FCGR2A: variants seen among roughly 807,000 people sequenced by gnomAD.
FCGR2A encodes the protein Fc gamma receptor IIa.
In FCGR2A, 18 loss-of-function variants were observed where a neutral mutation model predicts 29.3. The observed-to-expected ratio is 0.62, with a 90% CI of 0.43 to 0.91. The LOEUF is 0.91. Among genes scored for constraint, FCGR2A ranks in the 40% least tolerant of loss-of-function variants. The pLI is 0.00. For missense variants in FCGR2A, 287 were observed against 393.0 expected, an observed-to-expected ratio of 0.73 and a Z score of 2.28; for synonymous variants, 126 against 144.8, an observed-to-expected ratio of 0.87 and a Z score of 0.93.
chr1:161,510,233 A>G, intron 4 of FCGR2A, 159 bp downstream of exon 4: 2 of 1,331,296 alleles, frequency 1.5e-6, no homozygotes, highest in Non-Finnish European at 2.0e-6. Context: ...GTATTGACCA[A>G]CAAGTAGGGG....
At chr1:161,523,787 T>G (rs1676547962), downstream of FCGR2A, 1 of 152,028 alleles carries the variant, frequency 6.6e-6, no homozygotes, top group Non-Finnish European at 1.5e-5. Flanking sequence ...TTTAATTTAT[T>G]CAAGAGTGAT....
chr1:161,506,723 A>G, intron 3 of FCGR2A, 132 bp downstream of exon 3: 1 of 1,468,568 alleles, frequency 6.8e-7, no homozygotes, highest in Non-Finnish European at 9.1e-7. Flanking sequence ...TTGCTCATTC[A>G]TTCCCCATTT....
downstream of FCGR2A, chr1:161,523,848 G>A (rs1298861344): frequency 2.6e-5 from 4 of 152,070 alleles, no homozygotes; most frequent in African/African-American, 4.8e-5. Flanking sequence ...AAATGAAAGT[G>A]CATTGGCCGG....
At position 161,518,875 on chromosome 1, in the gene FCGR2A, G is replaced by C. The variant is rs953429217; in HGVS notation, c.*727G>C. Reference sequence around the variant, plus strand: ...TGGCCTCTAGCGATCTGCCCGCCTCGGCCTCCCAAAGTGCTGGGATGACCA... The same window carrying C: ...TGGCCTCTAGCGATCTGCCCGCCTCCGCCTCCCAAAGTGCTGGGATGACCA... On this transcript the variant is annotated 3_prime_UTR_variant, in exon 7 of 7. Transcript: ENST00000271450. 4.6e-6 allele frequency: 1 copy of C among 218,758 alleles called. No homozygotes were observed. Among genetic ancestry groups the C allele is most frequent in the African/African-American group, 2.3e-5 (1 of 42,936 alleles). The allele number at this position is 218,758 out of a possible 1,614,324, so 13.6% of individuals were successfully genotyped here.
chr1:161,510,216 T>C, intron 4 of FCGR2A, 142 bp downstream of exon 4: 1 of 1,448,120 alleles, frequency 6.9e-7, no homozygotes, highest in South Asian at 1.4e-5. Context: ...GGTGGAAGCC[T>C]GGCTAAGTAT....
At chr1:161,506,280 C>T (rs1571957090) in intron 2 of FCGR2A, 54 bp from the exon 3 acceptor site, 4 of 1,603,800 alleles carry the variant, frequency 2.5e-6, no homozygotes, top group Non-Finnish European at 2.6e-6. Flanking sequence ...CCTTTGGCAT[C>T]CACAGTCCCT....
chr1:161,521,081 G>A (rs1381727765), downstream of FCGR2A, among the ~76,000 whole-genome samples: 2 of 149,314 alleles, frequency 1.3e-5, 1 homozygote, highest in Non-Finnish European at 3.0e-5. Flanking sequence ...TATCAGTGAG[G>A]TCTCCTTGAT....
At chr1:161,511,264 A>T (rs1330682095) in intron 5 of FCGR2A, among the ~76,000 whole-genome samples, 1 of 152,118 alleles carries the variant, frequency 6.6e-6, no homozygotes, top group African/African-American at 2.4e-5. Flanking sequence ...TTAGCTAGGG[A>T]AGGAGGACTC....
At chr1:161,521,587 A>T (rs1571992547), downstream of FCGR2A, among the ~76,000 whole-genome samples, 1 of 152,050 alleles carries the variant, frequency 6.6e-6, no homozygotes, top group African/African-American at 2.4e-5. Context: ...ATCATCTTGA[A>T]TTCCCACAAC....
At chr1:161,517,289 G>A (rs1460535966) in intron 6 of FCGR2A, among the ~76,000 whole-genome samples, 2 of 152,082 alleles carry the variant, frequency 1.3e-5, no homozygotes, top group African/African-American at 4.8e-5. Context: ...TCCTACTGAT[G>A]TCAAAAGAAA....
chr1:161,520,208 G>A (rs1011141892), downstream of FCGR2A, among the ~76,000 whole-genome samples: 60 of 152,170 alleles, frequency 3.9e-4, 1 homozygote, highest in African/African-American at 1.2e-3. Context: ...CTGAGACTGG[G>A]TTATTTATGA....
rs1164168286 is a variant in FCGR2A, at chr1:161,510,994, C to T, written c.742+38C>T. The T allele has an allele frequency of 3.1e-6, 5 of 1,613,738 alleles. No individual in the cohort carries two copies. The East Asian group carries it at 1.1e-4, about 36-fold the overall frequency. On this transcript the variant is annotated intron_variant, in intron 5 of 6. Transcript: ENST00000271450. ...TCCCAGTCCCTTTTGTTATCAGTTT[C>T]CATTTGGCCCAGGGCCTAACCCCAG...
intron 6 of FCGR2A, among the ~76,000 whole-genome samples, chr1:161,517,285 T>C (rs1250051129): frequency 6.6e-6 from 1 of 152,104 alleles, no homozygotes; most frequent in African/African-American, 2.4e-5. Context: ...GTGTTCCTAC[T>C]GATGTCAAAA....
At position 161,518,037 on chromosome 1, in the gene FCGR2A, T is replaced by C; in HGVS notation, c.843T>C (p.Tyr281=). 1 of 1,613,842 alleles carries C rather than the reference T, an allele frequency of 6.2e-7. No individual in the cohort carries two copies. Residue 281 remains tyrosine (Y), a synonymous_variant, in exon 7 of 7, where the codon TAT becomes TAC. Transcript: ENST00000271450. ...AACTTGAAGAAACCAACAATGACTA[T>C]GAAACAGCTGACGGCGGCTACATGA... The part of the protein sequence containing the change: ...KRQLEETNND[Y]ETADGGYMTL...
At chr1:161,510,270 G>A in intron 4 of FCGR2A, 196 bp downstream of exon 4, 1 of 936,640 alleles carries the variant, frequency 1.1e-6, no homozygotes, top group Non-Finnish European at 1.6e-6. Context: ...TCACGTCCCA[G>A]GTAATAGGTA....
chr1:161,512,830 A>G (rs1675892053), intron 5 of FCGR2A, among the ~76,000 whole-genome samples: 1 of 152,244 alleles, frequency 6.6e-6, no homozygotes, highest in African/African-American at 2.4e-5. Flanking sequence ...CAGTGGTGAT[A>G]GGGGCCTGTG....
chr1:161,506,433 A>T lies in FCGR2A; in HGVS notation c.206A>T (p.Glu69Val). The T allele has an allele frequency of 6.2e-7, 1 of 1,614,244 alleles. No homozygotes were observed. Among genetic ancestry groups the T allele is most frequent in the South Asian group, 1.1e-5 (1 of 91,086 alleles). Reference sequence around the variant, plus strand: ...ACATGCCAGGGGGCTCGCAGCCCTGAGAGCGACTCCATTCAGTGGTTCCAC... The same window carrying T: ...ACATGCCAGGGGGCTCGCAGCCCTGTGAGCGACTCCATTCAGTGGTTCCAC... Reference protein sequence around the residue: ...TLTCQGARSPESDSIQWFHNG... With the variant: ...TLTCQGARSPVSDSIQWFHNG... Residue 69 changes from glutamate (E) to valine (V), a missense_variant, in exon 3 of 7, where the codon GAG becomes GTG. Around this residue, in one of 3 missense-constraint regions of FCGR2A, gnomAD observed 181 missense variants for 250.9 expected, o/e 0.72. Coordinates refer to ENST00000271450, the MANE Select transcript of FCGR2A (RefSeq NM_001136219.3).
intron 6 of FCGR2A, 102 bp from the exon 7 acceptor site, chr1:161,517,873 A>C (rs1364496935): frequency 1.4e-6 from 1 of 711,274 alleles, no homozygotes; most frequent in Non-Finnish European, 2.4e-6. Flanking sequence ...ATCTTTGCTC[A>C]GAGGAATTTT....
chr1:161,511,073 C>T, intron 5 of FCGR2A, 117 bp downstream of exon 5: 1 of 1,458,382 alleles, frequency 6.9e-7, no homozygotes, highest in South Asian at 1.2e-5. Flanking sequence ...TCTAGGCCCA[C>T]CTTTTATTTA....
Sources: gnomAD v4.1 joint callset for allele counts (sites outside exome capture counted in the v4.1 genomes callset) on GRCh38, gnomAD v4.1.1 for gene constraint, gnomAD v4.1.1 regional missense constraint, MANE v1.5 for transcripts, NCBI Gene and HGNC (gene_info 2026-07-23, HGNC 2026-07-21) for gene names.